Variants in OLFM1 observed in about 807,000 individuals in gnomAD.
The protein encoded by OLFM1 is olfactomedin 1, also known as noelin.
OLFM1 carries 9 observed loss-of-function variants against 49.7 expected under a neutral mutation model. That is an observed-to-expected ratio of 0.18 (90% CI 0.11 to 0.32). The LOEUF (loss-of-function observed/expected upper bound fraction) is 0.32. Ranked by LOEUF, OLFM1 falls within the 10% of genes least tolerant of loss-of-function variation. OLFM1 has a pLI of 1.00. For synonymous variants in OLFM1, 240 were observed against 271.8 expected, an observed-to-expected ratio of 0.88 and a Z score of 1.15; for missense variants, 369 against 661.8, an observed-to-expected ratio of 0.56 and a Z score of 4.85.
rs758498678 is a variant in OLFM1, at chr9:135,120,437, C to A, written c.*259C>A. On this transcript the variant is annotated 3_prime_UTR_variant, in exon 6 of 6. Coordinates refer to ENST00000371793, the MANE Select transcript of OLFM1 (RefSeq NM_001282611.2). ...CCCCGGTTTTCCTCCCCGCCCTGTCCCTCTCTGGTCAAACAACATACTAAA... is the reference window on the plus strand; with the variant it reads ...CCCCGGTTTTCCTCCCCGCCCTGTCACTCTCTGGTCAAACAACATACTAAA... 7.8e-5 allele frequency: 41 copies of A among 524,534 alleles called. No individual in the cohort carries two copies. The highest frequency in any genetic ancestry group is 1.3e-4 in the Non-Finnish European group (38 of 294,048). The allele number at this position is 524,534 out of a possible 1,614,324, so 32.5% of individuals were successfully genotyped here.
chr9:135,082,181 T>A lies in OLFM1; in HGVS notation c.96+6379T>A, dbSNP rs1830541490. Among the ~76,000 whole-genome samples, 4 of 151,832 alleles carry A rather than the reference T, an allele frequency of 2.6e-5. No individual in the cohort carries two copies. In the South Asian group the frequency reaches 8.3e-4, roughly 32 times the overall value. On this transcript the variant is annotated intron_variant, in intron 1 of 5. Transcript: ENST00000252854. ...TGACAGTTAAAATCTGATTGGAGAG[T>A]GTGTAGCCATGAAAAGTTGAGATGA...
intron 1 of OLFM1, chr9:135,076,500 T>A (rs931610271): frequency 4.2e-5 from 56 of 1,336,440 alleles, no homozygotes; most frequent in Non-Finnish European, 5.4e-5. Context: ...TGCTTGGTAT[T>A]CTCCATTTTA....
intron 5 of OLFM1, among the ~76,000 whole-genome samples, chr9:135,111,963 C>T (rs1831029760): frequency 1.3e-5 from 2 of 152,220 alleles, no homozygotes; most frequent in Admixed American, 1.3e-4. Flanking sequence ...GATCCACCTA[C>T]ATCGGCCTCC....
At position 135,119,640 on chromosome 9, in the gene OLFM1, A is replaced by G; in HGVS notation, c.920A>G (p.Asn307Ser). ...TCGGGCACGGGGCAGGTGGTCTACA[A>G]CGGTTCTATCTACTTCAACAAGTTC... is the stretch of plus-strand genomic sequence containing the variant. ...PWSGTGQVVY[N>S]GSIYFNKFQS... The change falls in exon 6 of 6, where the codon AAC becomes AGC. Residue 307 changes from asparagine to serine, a missense_variant. By Grantham distance (46) the Asn-to-Ser change is conservative. Around this residue, in one of 3 missense-constraint regions of OLFM1, gnomAD observed 294 missense variants for 567.5 expected, o/e 0.52. Coordinates refer to ENST00000371793, the MANE Select transcript of OLFM1 (RefSeq NM_001282611.2). 1 of 1,614,150 alleles carries G rather than the reference A, an allele frequency of 6.2e-7. No individual in the cohort carries two copies. Among genetic ancestry groups the G allele is most frequent in the Non-Finnish European group, 8.5e-7 (1 of 1,180,036 alleles).
At chr9:135,076,601 T>G (rs1324896018) in intron 1 of OLFM1, 1 of 1,072,804 alleles carries the variant, frequency 9.3e-7, no homozygotes, top group Non-Finnish European at 1.3e-6. Flanking sequence ...ACTATGGTGC[T>G]CGGAAGAGCC....
chr9:135,079,354 G>A (rs902312586), intron 1 of OLFM1, among the ~76,000 whole-genome samples: 2 of 152,114 alleles, frequency 1.3e-5, no homozygotes, highest in Admixed American at 6.5e-5. Flanking sequence ...GGGTACGGTG[G>A]CTCATACCTT....
In OLFM1 at chr9:135,117,355, T is replaced by G. The variant is rs1831110085; in HGVS notation, c.784-2149T>G. On this transcript the variant is annotated intron_variant, in intron 5 of 5. Transcript: ENST00000371793. The surrounding 1 kb of genome is among the most constrained non-coding windows in gnomAD (Gnocchi z 5.5). ...TTGCTGGATTAGGGGTGACAATGAGTGATTACACTCACAGCATCCCAAATG... is the reference window on the plus strand; with the variant it reads ...TTGCTGGATTAGGGGTGACAATGAGGGATTACACTCACAGCATCCCAAATG... Among the ~76,000 whole-genome samples the G allele has an allele frequency of 6.6e-6, 1 of 152,158 alleles. No individual in the cohort carries two copies. Among genetic ancestry groups the G allele is most frequent in the Non-Finnish European group, 1.5e-5 (1 of 68,018 alleles).
rs146432381 is a variant in OLFM1 at position 135,111,875 on chromosome 9, A to G, written c.783+5020A>G. Among the ~76,000 whole-genome samples, 9 of 151,732 alleles carry G rather than the reference A, an allele frequency of 5.9e-5. No homozygotes were observed. The East Asian group carries it at 1.7e-3, about 29-fold the overall frequency. On this transcript the variant is annotated intron_variant, in intron 5 of 5. Coordinates refer to ENST00000371793, the MANE Select transcript of OLFM1 (RefSeq NM_001282611.2). ...CAGGCGCATGCCATCACTTCCGGCT[A>G]TTTTTTTTCTGTGTGTTTTTTAGTA...
chr9:135,102,480 G>C (rs1178073596), intron 4 of OLFM1, among the ~76,000 whole-genome samples: 1 of 152,200 alleles, frequency 6.6e-6, no homozygotes, highest in Non-Finnish European at 1.5e-5. Flanking sequence ...TGACTGAGTG[G>C]GGCCCGGGCG....
At position 135,120,438 on chromosome 9, in the gene OLFM1, C is replaced by G. The variant is rs1588227502; in HGVS notation, c.*260C>G. On this transcript the variant is annotated 3_prime_UTR_variant, in exon 6 of 6. Coordinates refer to ENST00000371793, the MANE Select transcript of OLFM1 (RefSeq NM_001282611.2). ...CCCGGTTTTCCTCCCCGCCCTGTCC[C>G]TCTCTGGTCAAACAACATACTAAAG... The G allele has an allele frequency of 1.9e-6, 1 of 525,262 alleles. No individual in the cohort carries two copies. Among genetic ancestry groups the G allele is most frequent in the East Asian group, 3.3e-5 (1 of 30,278 alleles). 32.5% of individuals were successfully genotyped at this position (525,262 alleles called of 1,614,324 possible).
Position 135,091,693 on chromosome 9 carries a change from A to ACACAGTCTCACACATAGT in OLFM1, c.300+1353_300+1354insGTCTCACACATAGTCACA, listed in dbSNP as rs1564270882. On this transcript the variant is annotated intron_variant, in intron 2 of 5. Coordinates refer to ENST00000371793, the MANE Select transcript of OLFM1 (RefSeq NM_001282611.2). ...CACACACTCACACATAGTCTCACAC[A>ACACAGTCTCACACATAGT]CACACAGTCACACTCACACATAGTC... Among the ~76,000 whole-genome samples the ACACAGTCTCACACATAGT allele has an allele frequency of 1.4e-5, 2 of 145,440 alleles. 1 individual carries two copies. The highest frequency in any genetic ancestry group is 5.3e-5 in the African/African-American group (2 of 37,792).
intron 1 of OLFM1, chr9:135,075,815 A>AAGTACTCACTCAAGT: frequency 6.3e-7 from 1 of 1,596,732 alleles, no homozygotes; most frequent in Non-Finnish European, 8.5e-7. Flanking sequence ...ACGTGCATCC[A>AAGTACTCACTCAAGT]ACGCCATTTT....
Position 135,120,488 on chromosome 9 carries a change from G to T in OLFM1, c.*310G>T. ...GAGGCGAGGCAATGACTGTTGGCCA[G>T]TTCTCACCGGGGAAAAACCCACTGT... On this transcript the variant is annotated 3_prime_UTR_variant, in exon 6 of 6. Coordinates refer to ENST00000371793, the MANE Select transcript of OLFM1 (RefSeq NM_001282611.2). 2.7e-6 allele frequency: 1 copy of T among 366,894 alleles called. No homozygotes were observed. The highest frequency in any genetic ancestry group is 4.9e-6 in the Non-Finnish European group (1 of 202,098). 22.7% of individuals were successfully genotyped at this position (366,894 alleles called of 1,614,324 possible).
At chr9:135,076,361 T>C in intron 1 of OLFM1, 2 of 1,533,924 alleles carry the variant, frequency 1.3e-6, no homozygotes, top group Non-Finnish European at 8.8e-7. Flanking sequence ...TATGCAGGGC[T>C]TGGGGGGCTG....
chr9:135,106,905 G>T (rs775331089), intron 5 of OLFM1, 50 bp downstream of exon 5: 11 of 1,433,536 alleles, frequency 7.7e-6, no homozygotes, highest in Non-Finnish European at 1.0e-5. Context: ...GGGCGCTCTC[G>T]GACACCTGGT....
intron 4 of OLFM1, among the ~76,000 whole-genome samples, chr9:135,102,482 G>C (rs1830884018): frequency 1.3e-5 from 2 of 152,206 alleles, no homozygotes; most frequent in Non-Finnish European, 2.9e-5. Flanking sequence ...ACTGAGTGGG[G>C]CCCGGGCGGC....
In OLFM1 at chr9:135,121,133, C is replaced by G. The variant is rs925503015; in HGVS notation, c.*955C>G. 1 of 152,224 alleles carries G rather than the reference C, an allele frequency of 6.6e-6. No individual in the cohort carries two copies. Among genetic ancestry groups the G allele is most frequent in the Non-Finnish European group, 1.5e-5 (1 of 68,028 alleles). The allele number at this position is 152,224 out of a possible 1,614,324, so 9.4% of individuals were successfully genotyped here. Reference sequence around the variant, plus strand: ...TTTTTAAGTAAAAAACAAAGGCAAACTTTGTACTATCCAGTTATCTAAGGA... The same window carrying G: ...TTTTTAAGTAAAAAACAAAGGCAAAGTTTGTACTATCCAGTTATCTAAGGA... On this transcript the variant is annotated 3_prime_UTR_variant, in exon 6 of 6. Coordinates refer to ENST00000371793, the MANE Select transcript of OLFM1 (RefSeq NM_001282611.2).
intron 1 of OLFM1, chr9:135,075,905 GC>G (rs1830458441): frequency 1.8e-5 from 23 of 1,256,668 alleles, no homozygotes; most frequent in Non-Finnish European, 2.3e-5. Context: ...GCCGCCCCGC[GC>G]CCCCGGCCTG....
At chr9:135,102,283 CAG>C (rs1188300301) in intron 4 of OLFM1, among the ~76,000 whole-genome samples, 3 of 152,328 alleles carry the variant, frequency 2.0e-5, no homozygotes, top group African/African-American at 7.2e-5. Flanking sequence ...GTCAGCCAGG[CAG>C]AGAGAGGGTC....
Sources: allele counts gnomAD v4.1 joint callset (sites outside exome capture counted in the v4.1 genomes callset), GRCh38; gene constraint gnomAD v4.1.1; regional missense constraint gnomAD v4.1.1; non-coding constraint Gnocchi (gnomAD v3.1); transcripts MANE v1.5; gene names NCBI Gene and HGNC (gene_info 2026-07-23, HGNC 2026-07-21).